The following NEK3 variants were observed in gnomAD, a reference collection of about 807,000 sequenced individuals.
NEK3 encodes NIMA related kinase 3, also known as serine/threonine-protein kinase Nek3.
NEK3 carries 54 observed loss-of-function variants against 66.0 expected under a neutral mutation model. The observed-to-expected ratio is 0.82, with a 90% CI of 0.66 to 1.03. The LOEUF (loss-of-function observed/expected upper bound fraction) is 1.03, where lower values mean the gene tolerates loss of function less well. Among genes scored for constraint, NEK3 ranks in the 50% least tolerant of loss-of-function variants. The pLI, the probability that NEK3 is intolerant of heterozygous loss-of-function variation, is 0.00. For missense variants in NEK3, 593 were observed against 603.0 expected, an observed-to-expected ratio of 0.98 and a Z score of 0.17; for synonymous variants, 200 against 206.2, an observed-to-expected ratio of 0.97 and a Z score of 0.26.
chr13:52,152,180 G>A (rs1956352784), intron 5 of NEK3, among the ~76,000 whole-genome samples: 1 of 152,144 alleles, frequency 6.6e-6, no homozygotes. Context: ...AGGGTACAAA[G>A]TTTCAGTTAT....
At chr13:52,153,836 A>C (rs1173017892) in intron 4 of NEK3, 59 bp downstream of exon 4, 1 of 1,111,372 alleles carries the variant, frequency 9.0e-7, no homozygotes, top group African/African-American at 1.6e-5. Flanking sequence ...ACTTATATAA[A>C]GTTTATGAGA....
rs746436319 is a variant in NEK3, at chr13:52,144,787, C to G, written c.708G>C (p.Gln236His). The G allele has an allele frequency of 1.9e-6, 3 of 1,613,718 alleles. No individual in the cohort carries two copies. Among genetic ancestry groups the G allele is most frequent in the Non-Finnish European group, 2.5e-6 (3 of 1,179,758 alleles). The change falls in exon 9 of 16, where the codon CAG (glutamine) becomes CAC (histidine). Residue 236 changes from glutamine to histidine, a missense_variant. Coordinates refer to ENST00000610828, the MANE Select transcript of NEK3 (RefSeq NM_002498.3). ...GATGTGAGGGATTCCTTTTAAACATCTGCTTGACTAGGAACTGAAGTTCAT... is the reference window on the plus strand; with the variant it reads ...GATGTGAGGGATTCCTTTTAAACATGTGCTTGACTAGGAACTGAAGTTCAT... ...YSYELQFLVKQMFKRNPSHRP... is the reference protein window; with the variant it reads ...YSYELQFLVKHMFKRNPSHRP...
chr13:52,141,168 G>T, intron 10 of NEK3, 99 bp from the exon 11 acceptor site: 1 of 1,082,796 alleles, frequency 9.2e-7, no homozygotes, highest in Non-Finnish European at 1.3e-6. Flanking sequence ...AAGTGAGTGA[G>T]GTTATTAAAG....
At chr13:52,151,962 C>T (rs2138209191) in intron 5 of NEK3, among the ~76,000 whole-genome samples, 1 of 152,302 alleles carries the variant, frequency 6.6e-6, no homozygotes, top group South Asian at 2.1e-4. Flanking sequence ...CAACAGGCTA[C>T]ACTATATAGC....
intron 1 of NEK3, among the ~76,000 whole-genome samples, chr13:52,158,919 G>A (rs558395248): frequency 6.6e-6 from 1 of 152,292 alleles, no homozygotes; most frequent in African/African-American, 2.4e-5. Context: ...CTAGCACAGA[G>A]GCTAGGATAA....
At chr13:52,145,661 C>A (rs905460943) in intron 8 of NEK3, among the ~76,000 whole-genome samples, 1 of 152,098 alleles carries the variant, frequency 6.6e-6, no homozygotes, top group Non-Finnish European at 1.5e-5. Flanking sequence ...TTTAACCATT[C>A]CTGTCATTAA....
intron 8 of NEK3, among the ~76,000 whole-genome samples, chr13:52,145,800 T>C (rs959056521): frequency 9.9e-5 from 15 of 152,206 alleles, no homozygotes; most frequent in Admixed American, 3.3e-4. Flanking sequence ...TGGTAATGCT[T>C]ATGAAAGAAT....
At chr13:52,133,457 G>A (rs1956172309) in intron 15 of NEK3, among the ~76,000 whole-genome samples, 1 of 152,104 alleles carries the variant, frequency 6.6e-6, no homozygotes, top group South Asian at 2.1e-4. Flanking sequence ...AGTCCAAGCT[G>A]AAAGGCTATA....
chr13:52,136,379 G>A, intron 12 of NEK3, 120 bp from the exon 13 acceptor site: 1 of 1,000,562 alleles, frequency 1.0e-6, no homozygotes, highest in Non-Finnish European at 1.4e-6. Context: ...TCAGATCTAT[G>A]TTTGAAAGAT....
chr13:52,148,352 C>A (rs547734863), intron 8 of NEK3, 63 bp downstream of exon 8: 3 of 1,482,830 alleles, frequency 2.0e-6, no homozygotes, highest in African/African-American at 2.8e-5. Context: ...TAGAATCTGT[C>A]ACATTATTAG....
Position 52,149,569 on chromosome 13 carries a change from C to T in NEK3, c.549-1100G>A, listed in dbSNP as rs181769867. Among the ~76,000 whole-genome samples, 232 of 152,128 alleles carry T rather than the reference C, an allele frequency of 1.5e-3. 1 individual carries two copies. Among genetic ancestry groups the T allele is most frequent in the Non-Finnish European group, 2.7e-3 (184 of 68,000 alleles). On this transcript the variant is annotated intron_variant, in intron 7 of 15. Coordinates refer to ENST00000610828, the MANE Select transcript of NEK3 (RefSeq NM_002498.3). ...CTCCCTCCTCTATATCTATCTGAAT[C>T]TCCTGAAAAAAGGTTGCCCGCCGGG...
chr13:52,148,288 G>A, intron 8 of NEK3, 127 bp downstream of exon 8: 1 of 833,758 alleles, frequency 1.2e-6, no homozygotes, highest in Non-Finnish European at 1.9e-6. Context: ...GACTGCACTG[G>A]AAACATATAC....
chr13:52,137,812 C>T (rs1220588348), intron 11 of NEK3, among the ~76,000 whole-genome samples: 2 of 152,202 alleles, frequency 1.3e-5, no homozygotes, highest in South Asian at 4.1e-4. Flanking sequence ...CCTTCATTGC[C>T]ATCGTCCTTT....
chr13:52,136,361 T>G, intron 12 of NEK3, 102 bp from the exon 13 acceptor site: 1 of 1,152,392 alleles, frequency 8.7e-7, no homozygotes, highest in Non-Finnish European at 1.2e-6. Context: ...TTCTTTTCTC[T>G]TTCATATTCA....
intron 4 of NEK3, among the ~76,000 whole-genome samples, chr13:52,153,680 T>C (rs1158523015): frequency 1.3e-5 from 2 of 152,190 alleles, no homozygotes; most frequent in South Asian, 2.1e-4. Flanking sequence ...TTTTATTTCA[T>C]AATAATTTAT....
chr13:52,135,657 TA>T, intron 14 of NEK3, 71 bp downstream of exon 14: 1 of 1,360,370 alleles, frequency 7.4e-7, no homozygotes, highest in Non-Finnish European at 1.0e-6. Context: ...ATGTAAATTT[TA>T]TGTTATATAT....
intron 8 of NEK3, among the ~76,000 whole-genome samples, chr13:52,145,120 C>T (rs1019929772): frequency 4.6e-5 from 7 of 152,032 alleles, no homozygotes; most frequent in Non-Finnish European, 1.0e-4. Flanking sequence ...TCCATCAATG[C>T]CTGCTGTGAC....
At chr13:52,154,209 C>T in intron 2 of NEK3, 36 bp from the exon 3 acceptor site, 3 of 1,293,554 alleles carry the variant, frequency 2.3e-6, no homozygotes, top group South Asian at 1.3e-5. Flanking sequence ...AAACTTAATA[C>T]TGCATTTTAA....
At position 52,154,005 on chromosome 13, in the gene NEK3, T is replaced by C. The variant is rs1198011701; in HGVS notation, c.212-13A>G. 5 of 1,608,522 alleles carry C rather than the reference T, an allele frequency of 3.1e-6. No homozygotes were observed. Among genetic ancestry groups the C allele is most frequent in the Non-Finnish European group, 4.3e-6 (5 of 1,175,306 alleles). On this transcript the variant is annotated splice_polypyrimidine_tract_variant and intron_variant, in intron 3 of 15. Coordinates refer to ENST00000610828, the MANE Select transcript of NEK3 (RefSeq NM_002498.3). ...AAGTGTCCTTCAGCTAAAACAGATA[T>C]AAGCTCTTTAGAAAAGCTGTAGTGG...
Sources: gnomAD v4.1 joint callset for allele counts (sites outside exome capture counted in the v4.1 genomes callset) on GRCh38, gnomAD v4.1.1 for gene constraint, MANE v1.5 for transcripts, NCBI Gene and HGNC (gene_info 2026-07-23, HGNC 2026-07-21) for gene names.